WWOX: variants seen among roughly 807,000 people sequenced by gnomAD.
The protein encoded by WWOX is WW domain-containing oxidoreductase.
Under a neutral mutation model 46.2 loss-of-function variants are expected in WWOX, and 69 were observed. The observed-to-expected ratio is 1.49, with a 90% CI of 1.23 to 1.82. The LOEUF is 1.82. WWOX is among the 40% of genes most tolerant of loss of function. The pLI is 0.00. For synonymous variants in WWOX, 359 were observed against 202.6 expected (o/e 1.77, Z -6.56); for missense variants, 919 against 542.6 (o/e 1.69, Z -6.89).
intron 8 of WWOX, among the ~76,000 whole-genome samples, chr16:78,590,543 CAA>C (rs2045327943): frequency 6.6e-6 from 1 of 152,190 alleles, no homozygotes; most frequent in Non-Finnish European, 1.5e-5. Flanking sequence ...ATTGAAAACA[CAA>C]AGTGTATTTC....
intron 8 of WWOX, among the ~76,000 whole-genome samples, chr16:78,739,864 A>C (rs8049293): frequency 0.15 from 22,995 of 152,174 alleles, 2,143 homozygotes; most frequent in African/African-American, 0.25. Context: ...ATTATGGAAG[A>C]AGAAGCAGGA....
At chr16:78,738,829 T>G (rs1467613231) in intron 8 of WWOX, among the ~76,000 whole-genome samples, 1 of 152,128 alleles carries the variant, frequency 6.6e-6, no homozygotes, top group African/African-American at 2.4e-5. Context: ...GTCCTAATAT[T>G]AAGAGGTAGG....
chr16:78,892,116 C>A (rs984585223), intron 8 of WWOX: 1 of 152,080 alleles, frequency 6.6e-6, no homozygotes, highest in African/African-American at 2.4e-5. Context: ...TTGTCACTTG[C>A]CAAACCATGT....
intron 5 of WWOX, among the ~76,000 whole-genome samples, chr16:78,216,268 C>T (rs2151793256): frequency 6.6e-6 from 1 of 152,222 alleles, no homozygotes; most frequent in Non-Finnish European, 1.5e-5. Flanking sequence ...CAGAGCCTGG[C>T]TTAATTATTT....
At chr16:79,059,490 A>G (rs545181202) in intron 8 of WWOX, among the ~76,000 whole-genome samples, 1 of 152,212 alleles carries the variant, frequency 6.6e-6, no homozygotes, top group East Asian at 1.9e-4. Context: ...TTTTTTATTT[A>G]TATGTTTTTT....
At chr16:78,859,001 TAAAA>T (rs542176032) in intron 8 of WWOX, among the ~76,000 whole-genome samples, 10 of 44,320 alleles carry the variant, frequency 2.3e-4, no homozygotes, top group Admixed American at 8.6e-4. Flanking sequence ...TTTTGAAATT[TAAAA>T]AAAAAAAAAA....
chr16:78,836,746 G>A (rs932315262), intron 8 of WWOX, among the ~76,000 whole-genome samples: 1 of 152,134 alleles, frequency 6.6e-6, no homozygotes, highest in Admixed American at 6.5e-5. Context: ...GATGAGGCTG[G>A]ACCCCAGGAT....
chr16:78,524,865 CTTT>C (rs370620034), intron 8 of WWOX, among the ~76,000 whole-genome samples: 8 of 48,518 alleles, frequency 1.6e-4, no homozygotes, highest in Non-Finnish European at 3.1e-4. Context: ...GTTTTTCTTT[CTTT>C]TTTTTTTTTT....
intron 5 of WWOX, among the ~76,000 whole-genome samples, chr16:78,328,662 C>T (rs1035594415): frequency 3.3e-5 from 5 of 152,226 alleles, no homozygotes; most frequent in Admixed American, 3.3e-4. Context: ...TAAGAGAGAA[C>T]AGAAATACTC....
chr16:78,739,919 A>C (rs1379900455), intron 8 of WWOX, among the ~76,000 whole-genome samples: 4 of 152,162 alleles, frequency 2.6e-5, no homozygotes, highest in Non-Finnish European at 5.9e-5. Context: ...TGCATTTATT[A>C]TTGCTAGGAT....
chr16:78,691,333 T>G (rs991942201), intron 8 of WWOX: 1 of 700,146 alleles, frequency 1.4e-6, no homozygotes, highest in Non-Finnish European at 2.6e-6. Flanking sequence ...TTATTTCATT[T>G]TCAACATAGC....
chr16:78,163,595 T>G (rs987031475), intron 4 of WWOX, among the ~76,000 whole-genome samples: 1 of 152,230 alleles, frequency 6.6e-6, no homozygotes. Flanking sequence ...CCCAAAATTC[T>G]TAGTCATAGT....
chr16:78,682,279 C>CT (rs1205607617), intron 8 of WWOX, among the ~76,000 whole-genome samples: 1 of 152,184 alleles, frequency 6.6e-6, no homozygotes, highest in South Asian at 2.1e-4. Context: ...AACTAGTAAA[C>CT]TTAATAGTTT....
At position 78,409,030 on chromosome 16, in the gene WWOX, T is replaced by C. The variant is rs1292434732; in HGVS notation, c.606-15840T>C. On this transcript the variant is annotated intron_variant, in intron 6 of 8. Coordinates refer to ENST00000566780, the MANE Select transcript of WWOX (RefSeq NM_016373.4). ...TACCTCTGATTTCTTAATGCCACGT[T>C]ATAAGGCTGCTGCTTATAGCTCTTG... Among the ~76,000 whole-genome samples, 7 of 152,348 alleles carry C rather than the reference T, an allele frequency of 4.6e-5. No individual in the cohort carries two copies. The East Asian group carries it at 1.3e-3, about 29-fold the overall frequency.
At chr16:78,394,858 G>T (rs540574390) in intron 6 of WWOX, among the ~76,000 whole-genome samples, 1 of 152,230 alleles carries the variant, frequency 6.6e-6, no homozygotes, top group African/African-American at 2.4e-5. Context: ...TGTAAAGAAC[G>T]TGGGTGTTGG....
intron 8 of WWOX, among the ~76,000 whole-genome samples, chr16:78,814,664 A>G (rs1479341833): frequency 6.6e-6 from 1 of 152,184 alleles, no homozygotes; most frequent in Non-Finnish European, 1.5e-5. Flanking sequence ...CCTGGGAGAA[A>G]CCAGCGTGAC....
In WWOX at chr16:78,745,807, G is replaced by C. The variant is rs376652366; in HGVS notation, c.1056+313055G>C. On this transcript the variant is annotated intron_variant, in intron 8 of 8. Coordinates refer to ENST00000566780, the MANE Select transcript of WWOX (RefSeq NM_016373.4). ...AGTTCCAAGACCAGAGTTGAGGGTGGGTGGGTAGAGGGCTAGTTTACAGAT... is the reference window on the plus strand; with the variant it reads ...AGTTCCAAGACCAGAGTTGAGGGTGCGTGGGTAGAGGGCTAGTTTACAGAT... Among the ~76,000 whole-genome samples the C allele has an allele frequency of 5.9e-5, 9 of 151,530 alleles. No individual in the cohort carries two copies. The East Asian group carries it at 1.4e-3, about 23-fold the overall frequency.
chr16:78,315,292 T>C (rs1354546554), intron 5 of WWOX, among the ~76,000 whole-genome samples: 2 of 152,212 alleles, frequency 1.3e-5, no homozygotes, highest in African/African-American at 4.8e-5. Flanking sequence ...CTGTTTTTTT[T>C]CCTTGTAAAA....
At chr16:78,667,181 C>T (rs565543334) in intron 8 of WWOX, among the ~76,000 whole-genome samples, 3 of 152,184 alleles carry the variant, frequency 2.0e-5, no homozygotes, top group Non-Finnish European at 4.4e-5. Flanking sequence ...TTCCATGAAA[C>T]TCTATGGGTG....
Sources: allele counts gnomAD v4.1 joint callset (sites outside exome capture counted in the v4.1 genomes callset), GRCh38; gene constraint gnomAD v4.1.1; transcripts MANE v1.5; gene names NCBI Gene and HGNC (gene_info 2026-07-23, HGNC 2026-07-21).